DIP2B: variants seen among roughly 807,000 people sequenced by gnomAD.
DIP2B encodes disco-interacting protein 2 homolog B.
Under a neutral mutation model 198.0 loss-of-function variants are expected in DIP2B, and 76 were observed. The observed-to-expected ratio is 0.38, with a 90% confidence interval of 0.32 to 0.46. The LOEUF (loss-of-function observed/expected upper bound fraction) is 0.46, where lower values mean the gene tolerates loss of function less well. Among genes scored for constraint, DIP2B ranks in the 20% least tolerant of loss-of-function variants. DIP2B has a pLI of 0.99. For synonymous variants in DIP2B, 701 were observed against 739.1 expected (o/e 0.95, Z 0.84); for missense variants, 1,559 against 1,978.4 (o/e 0.79, Z 4.02).
intron 3 of DIP2B, among the ~76,000 whole-genome samples, chr12:50,656,548 T>C (rs988720270): frequency 1.3e-5 from 2 of 152,142 alleles, no homozygotes; most frequent in South Asian, 4.1e-4. Flanking sequence ...TATAAATAAC[T>C]AAGGGAGAAA....
At chr12:50,653,894 G>A (rs544457534) in intron 3 of DIP2B, among the ~76,000 whole-genome samples, 93 of 151,746 alleles carry the variant, frequency 6.1e-4, no homozygotes, top group Non-Finnish European at 1.2e-3. Context: ...TTGTTTTTGA[G>A]ACAGAGCCTT....
intron 1 of DIP2B, among the ~76,000 whole-genome samples, chr12:50,512,314 C>T (rs1262720217): frequency 1.3e-5 from 2 of 151,874 alleles, no homozygotes; most frequent in African/African-American, 4.8e-5. Context: ...ACTATCTTGG[C>T]CAGGCTGCTC....
chr12:50,686,921 A>G (rs756998571), intron 12 of DIP2B: 18 of 381,384 alleles, frequency 4.7e-5, no homozygotes, highest in Non-Finnish European at 7.9e-5. Context: ...CATGTAAGAA[A>G]GTTACAAAAG....
intron 7 of DIP2B, among the ~76,000 whole-genome samples, chr12:50,676,496 A>G (rs1177494191): frequency 6.6e-6 from 1 of 152,230 alleles, no homozygotes; most frequent in Admixed American, 6.5e-5. Context: ...CTGATGTTCA[A>G]GATGTCCACG....
rs376504436 is a variant in DIP2B, at chr12:50,675,321, C to T, written c.797-8C>T. 3.7e-6 allele frequency: 6 copies of T among 1,607,632 alleles called. No individual in the cohort carries two copies. The African/African-American group carries it at 8.0e-5, about 22-fold the overall frequency. ...TGAATTTTAACTTAACCATTTTTTC[C>T]CTTATAGGTGTTCCTGTCAGTAGCA... On this transcript the variant is annotated splice_region_variant and splice_polypyrimidine_tract_variant and intron_variant, in intron 6 of 37. Coordinates refer to ENST00000301180, the MANE Select transcript of DIP2B (RefSeq NM_173602.3).
rs34202995 is a variant in DIP2B at position 50,537,114 on chromosome 12, A to ATTTTTTTTTT, written c.100+31892_100+31901dup. Among the ~76,000 whole-genome samples the ATTTTTTTTTT allele has an allele frequency of 1.6e-3, 50 of 32,224 alleles. 17 individuals carry two copies. The highest frequency in any genetic ancestry group is 6.5e-3 in the African/African-American group (41 of 6,328). The allele number at this position is 32,224 out of a possible 152,430, so 21.1% of individuals were successfully genotyped here. A position where few individuals can be genotyped will look rare whatever the true frequency, so the allele number is the denominator to read the frequency against. On this transcript the variant is annotated intron_variant, in intron 1 of 37. Coordinates refer to ENST00000301180, the MANE Select transcript of DIP2B (RefSeq NM_173602.3). ...CAGATTGCTTGTTTATTATTCTCTA[A>ATTTTTTTTTT]TTTTTTTTTTTTTTTTTTTTTTTTT...
intron 4 of DIP2B, among the ~76,000 whole-genome samples, chr12:50,663,197 C>T (rs1432253406): frequency 2.6e-5 from 4 of 152,074 alleles, no homozygotes; most frequent in Non-Finnish European, 4.4e-5. Flanking sequence ...GAGGCTGAGG[C>T]GGGTGGATCA....
intron 2 of DIP2B, among the ~76,000 whole-genome samples, chr12:50,634,362 T>C (rs143229520): frequency 6.6e-6 from 1 of 152,308 alleles, no homozygotes; most frequent in East Asian, 1.9e-4. Flanking sequence ...GGTCCTGTGG[T>C]CTAATCTTTA....
At chr12:50,706,498 T>G (rs375972344) in intron 20 of DIP2B, 40 bp from the exon 21 acceptor site, 4 of 1,604,868 alleles carry the variant, frequency 2.5e-6, no homozygotes, top group Non-Finnish European at 3.4e-6. Context: ...TTTTACTATT[T>G]AAATCATGGA....
intron 14 of DIP2B, among the ~76,000 whole-genome samples, chr12:50,694,277 C>T (rs1289147664): frequency 6.6e-6 from 1 of 152,102 alleles, no homozygotes; most frequent in South Asian, 2.1e-4. Context: ...AGGCGAATTA[C>T]TTGAGGCCAG....
Position 50,724,889 on chromosome 12 carries a change from G to A in DIP2B, c.3400+3G>A. On this transcript the variant is annotated splice_donor_region_variant and intron_variant, in intron 28 of 37. Transcript: ENST00000301180. ...CTGGCCAACCATCATTGACACAGGT[G>A]AAAGGGAGACTTCTTCTGAGGGTGG... is the stretch of plus-strand genomic sequence containing the variant. 1 of 1,613,918 alleles carries A rather than the reference G, an allele frequency of 6.2e-7. No individual in the cohort carries two copies. The highest frequency in any genetic ancestry group is 8.5e-7 in the Non-Finnish European group (1 of 1,179,792).
intron 1 of DIP2B, among the ~76,000 whole-genome samples, chr12:50,583,078 C>G (rs1958739736): frequency 6.6e-6 from 1 of 152,110 alleles, no homozygotes; most frequent in African/African-American, 2.4e-5. Flanking sequence ...AGTAGGATTC[C>G]ATGTAGACAT....
chr12:50,637,737 C>T (rs1453265047), intron 2 of DIP2B, among the ~76,000 whole-genome samples: 1 of 152,170 alleles, frequency 6.6e-6, no homozygotes, highest in Non-Finnish European at 1.5e-5. Flanking sequence ...TCTCAGAGCC[C>T]ATCCTGTTTC....
At chr12:50,642,194 A>G (rs1938267974) in intron 3 of DIP2B, among the ~76,000 whole-genome samples, 1 of 152,204 alleles carries the variant, frequency 6.6e-6, no homozygotes, top group Admixed American at 6.5e-5. Context: ...AGGCTTGCTC[A>G]GAGAACAAAG....
At chr12:50,740,829 C>T (rs1386528256) in intron 36 of DIP2B, among the ~76,000 whole-genome samples, 2 of 152,144 alleles carry the variant, frequency 1.3e-5, no homozygotes, top group African/African-American at 2.4e-5. Flanking sequence ...TTGTTCATCT[C>T]CTCTCCCTCT....
intron 10 of DIP2B, among the ~76,000 whole-genome samples, chr12:50,684,004 T>C (rs1939090369): frequency 6.6e-6 from 1 of 151,942 alleles, no homozygotes; most frequent in Non-Finnish European, 1.5e-5. Context: ...TCCCAGCTAT[T>C]TGAGAAGCTG....
rs1467712504 is a variant in DIP2B at position 50,640,825 on chromosome 12, G to A, written c.274G>A (p.Gly92Arg). ...PSKYHRTRSG[G>R]ARDERYRSDI... is the part of the protein sequence containing the mutation. The stretch of plus-strand genomic sequence containing the variant: ...TAAGTACCACCGAACTCGATCTGGG[G>A]GAGCCAGGGATGAACGATATCGATC... The change falls in exon 3 of 38, where the codon GGA becomes AGA. Residue 92 changes from glycine to arginine, a missense_variant. Gly to Arg is a moderately radical substitution (Grantham distance 125, BLOSUM62 -2). Transcript: ENST00000301180. 1 of 1,613,858 alleles carries A rather than the reference G, an allele frequency of 6.2e-7. No homozygotes were observed. The highest frequency in any genetic ancestry group is 8.5e-7 in the Non-Finnish European group (1 of 1,179,888).
At chr12:50,526,422 C>T (rs779401118) in intron 1 of DIP2B, among the ~76,000 whole-genome samples, 2 of 152,210 alleles carry the variant, frequency 1.3e-5, no homozygotes, top group African/African-American at 2.4e-5. Context: ...GACAACTTTC[C>T]GTTTCTTCAG....
At chr12:50,683,590 G>C (rs1042458365) in intron 10 of DIP2B, among the ~76,000 whole-genome samples, 4 of 151,694 alleles carry the variant, frequency 2.6e-5, no homozygotes, top group Admixed American at 2.6e-4. Context: ...GACCATCCTG[G>C]CTAACATGGT....
Sources: gnomAD v4.1 joint callset for allele counts (sites outside exome capture counted in the v4.1 genomes callset) on GRCh38, gnomAD v4.1.1 for gene constraint, MANE v1.5 for transcripts, NCBI Gene and HGNC (gene_info 2026-07-23, HGNC 2026-07-21) for gene names.